The following CSGALNACT1 variants were observed in gnomAD, a reference collection of about 807,000 sequenced individuals.
CSGALNACT1 encodes the protein chondroitin sulfate N-acetylgalactosaminyltransferase 1, also known as beta4GalNAcT-1.
In CSGALNACT1, 52 loss-of-function variants were observed where a neutral mutation model predicts 51.0. The observed-to-expected ratio is 1.02, with a 90% CI of 0.82 to 1.29. CSGALNACT1 has a LOEUF of 1.29. CSGALNACT1 is among the 50% of genes most tolerant of loss of function. CSGALNACT1 has a pLI of 0.00. For missense variants in CSGALNACT1, 935 were observed against 679.2 expected (o/e 1.38, Z -4.19); for synonymous variants, 341 against 254.4 (o/e 1.34, Z -3.24).
chr8:19,581,562 G>C (rs117642852), intron 3 of CSGALNACT1, among the ~76,000 whole-genome samples: 5 of 152,114 alleles, frequency 3.3e-5, no homozygotes, highest in African/African-American at 1.2e-4. Flanking sequence ...AGCCGAGATC[G>C]TGCCACTGCA....
chr8:19,719,382 C>T (rs1288627653), intron 1 of CSGALNACT1, among the ~76,000 whole-genome samples: 1 of 152,150 alleles, frequency 6.6e-6, no homozygotes, highest in East Asian at 1.9e-4. Flanking sequence ...CGATATTTGT[C>T]ATTATCTAAG....
rs2060704902 is a variant in CSGALNACT1 at position 19,438,199 on chromosome 8, GGGGGCAGCCAGCTGGCTGCACTTAA to G, written c.953+1606_953+1630del. On this transcript the variant is annotated intron_variant, in intron 6 of 9. Transcript: ENST00000454498. ...AATCTCTTGGCCGGGGCGGGGGTCG[GGGGGCAGCCAGCTGGCTGCACTTAA>G]GGGAGCAGCCCCCAGGTGGACTACC... 4.6e-5 allele frequency among the ~76,000 whole-genome samples: 7 copies of G among 151,580 alleles called. 1 individual carries two copies. The highest frequency in any genetic ancestry group is 1.0e-4 in the Non-Finnish European group (7 of 67,910).
At position 19,478,710 on chromosome 8, in the gene CSGALNACT1, C is replaced by A. The variant is rs151079495; in HGVS notation, c.635-20068G>T. ...AGTGATGATAAAAATAATGACCCCC[C>A]CTTTCTCCACTGCTGAATTGCTCCA... On this transcript the variant is annotated intron_variant, in intron 4 of 9. Transcript: ENST00000454498. Among the ~76,000 whole-genome samples the A allele has an allele frequency of 1.5e-3, 236 of 152,266 alleles. 1 individual carries two copies. Among genetic ancestry groups the A allele is most frequent in the African/African-American group, 5.3e-3 (222 of 41,538 alleles).
At chr8:19,688,663 T>C (rs2061116679) in intron 1 of CSGALNACT1, 1 of 152,206 alleles carries the variant, frequency 6.6e-6, no homozygotes, top group African/African-American at 2.4e-5. Flanking sequence ...GCTGATAAAA[T>C]AGATAGGAAT....
rs151053045 is a variant in CSGALNACT1, at chr8:19,632,458, G to C, written c.-543-30593C>G. ...AAAGTCTTCCAAACCAAATGGCAAA[G>C]CATTTAAGGGAAGCATCAAAAAAGC... On this transcript the variant is annotated intron_variant, in intron 1 of 9. Transcript: ENST00000332246. Among the ~76,000 whole-genome samples, 449 of 152,182 alleles carry C rather than the reference G, an allele frequency of 3.0e-3. 2 individuals carry two copies. The highest frequency in any genetic ancestry group is 0.01 in the African/African-American group (434 of 41,432).
At chr8:19,471,334 G>C (rs2068119140) in intron 4 of CSGALNACT1, among the ~76,000 whole-genome samples, 1 of 152,094 alleles carries the variant, frequency 6.6e-6, no homozygotes, top group African/African-American at 2.4e-5. Context: ...AAAATCCCAG[G>C]ATCAAGTTTA....
At chr8:19,408,205 G>A (rs937923121) in intron 9 of CSGALNACT1, among the ~76,000 whole-genome samples, 3 of 152,104 alleles carry the variant, frequency 2.0e-5, no homozygotes, top group Admixed American at 6.6e-5. Context: ...CAGATTGTGT[G>A]TCTTATTTGG....
chr8:19,530,588 G>C (rs775783718), intron 3 of CSGALNACT1, among the ~76,000 whole-genome samples: 1 of 151,928 alleles, frequency 6.6e-6, no homozygotes, highest in Non-Finnish European at 1.5e-5. Context: ...ATTGTTCACC[G>C]GGCACAGTGG....
chr8:19,617,169 G>A (rs953703529), intron 1 of CSGALNACT1, among the ~76,000 whole-genome samples: 2 of 152,154 alleles, frequency 1.3e-5, no homozygotes, highest in African/African-American at 4.8e-5. Flanking sequence ...GTTCACAATA[G>A]GGTTAACACT....
At chr8:19,636,539 G>C (rs1026384475) in intron 1 of CSGALNACT1, among the ~76,000 whole-genome samples, 1 of 152,092 alleles carries the variant, frequency 6.6e-6, no homozygotes, top group Non-Finnish European at 1.5e-5. Flanking sequence ...TATATTCTAT[G>C]CTGCTCTGTC....
intron 2 of CSGALNACT1, among the ~76,000 whole-genome samples, chr8:19,599,037 A>G (rs1316604545): frequency 1.3e-5 from 2 of 152,100 alleles, no homozygotes; most frequent in Non-Finnish European, 2.9e-5. Flanking sequence ...GAGTGTGGAC[A>G]CCAACACAGC....
chr8:19,655,240 A>C (rs1476707563), intron 1 of CSGALNACT1, among the ~76,000 whole-genome samples: 1 of 152,200 alleles, frequency 6.6e-6, no homozygotes, highest in Non-Finnish European at 1.5e-5. Flanking sequence ...TCAGGCACTG[A>C]GACACCAACA....
intron 3 of CSGALNACT1, among the ~76,000 whole-genome samples, chr8:19,510,976 G>C (rs1473021148): frequency 1.3e-5 from 2 of 152,170 alleles, no homozygotes; most frequent in Non-Finnish European, 1.5e-5. Context: ...AGATTTCAGT[G>C]AACGTTTTGG....
At chr8:19,587,637 C>T (rs1013311734) in intron 3 of CSGALNACT1, among the ~76,000 whole-genome samples, 7 of 152,096 alleles carry the variant, frequency 4.6e-5, no homozygotes, top group Non-Finnish European at 1.0e-4. Context: ...CCTATAAGTA[C>T]CTTATTACAT....
intron 6 of CSGALNACT1, 61 bp from the exon 6 acceptor site, chr8:19,420,579 A>T: frequency 6.5e-7 from 1 of 1,527,820 alleles, no homozygotes; most frequent in Non-Finnish European, 9.1e-7. Context: ...ATCCCCTGAG[A>T]AAATATGTAA....
chr8:19,535,037 G>C (rs12334362), intron 3 of CSGALNACT1, among the ~76,000 whole-genome samples: 2 of 152,212 alleles, frequency 1.3e-5, no homozygotes, highest in East Asian at 1.9e-4. Context: ...AGTTAGCAGT[G>C]AGTATCAGGG....
At chr8:19,636,469 T>C (rs186910351) in intron 1 of CSGALNACT1, among the ~76,000 whole-genome samples, 1 of 152,336 alleles carries the variant, frequency 6.6e-6, no homozygotes, top group East Asian at 1.9e-4. Context: ...ATAGTACCCC[T>C]ATAATCAGCA....
intron 3 of CSGALNACT1, among the ~76,000 whole-genome samples, chr8:19,544,981 C>T (rs1316131162): frequency 2.6e-5 from 4 of 151,700 alleles, no homozygotes; most frequent in Non-Finnish European, 5.9e-5. Context: ...GGGGAGAAGC[C>T]AGTCAGTCCA....
chr8:19,572,380 A>C (rs2043219880), intron 3 of CSGALNACT1, among the ~76,000 whole-genome samples: 1 of 152,222 alleles, frequency 6.6e-6, no homozygotes, highest in South Asian at 2.1e-4. Flanking sequence ...CTTAACACTG[A>C]TTCTAAGAGA....
Sources: allele counts gnomAD v4.1 joint callset (sites outside exome capture counted in the v4.1 genomes callset), GRCh38; gene constraint gnomAD v4.1.1; transcripts MANE v1.5; gene names NCBI Gene and HGNC (gene_info 2026-07-23, HGNC 2026-07-21).